Variants in UNC80 observed in about 807,000 individuals in gnomAD.
The protein encoded by UNC80 is protein unc-80 homolog.
UNC80 carries 164 observed loss-of-function variants against 384.6 expected under a neutral mutation model. The observed-to-expected ratio is 0.43, with a 90% CI of 0.38 to 0.49. The LOEUF is 0.49. UNC80 is among the 20% of genes least tolerant of loss of function. The pLI is 0.00. For missense variants in UNC80, 3,330 were observed against 4,143.0 expected (o/e 0.80, Z 5.39); for synonymous variants, 1,486 against 1,527.8 (o/e 0.97, Z 0.64).
In UNC80 at chr2:209,903,025, G is replaced by C. The variant is rs2087602359; in HGVS notation, c.4582-1740G>C. 2.7e-5 allele frequency among the ~76,000 whole-genome samples: 4 copies of C among 150,372 alleles called. No homozygotes were observed. The South Asian group carries it at 8.5e-4, about 32-fold the overall frequency. ...GGATACACAGATGAGCAAGCCCCTG[G>C]TATAAAATGGTATAGTATTTGCATA... On this transcript the variant is annotated intron_variant, in intron 28 of 64. Transcript: ENST00000673920.
intron 25 of UNC80, among the ~76,000 whole-genome samples, chr2:209,887,765 TAAG>T (rs1007492250): frequency 6.6e-6 from 1 of 152,094 alleles, no homozygotes; most frequent in Non-Finnish European, 1.5e-5. Flanking sequence ...GATTTTTAAA[TAAG>T]AGATAAAGGC....
intron 38 of UNC80, among the ~76,000 whole-genome samples, chr2:209,932,940 A>G (rs1162258177): frequency 1.3e-5 from 2 of 152,212 alleles, no homozygotes; most frequent in Non-Finnish European, 1.5e-5. Flanking sequence ...CAGCATTTAG[A>G]ACACCAAAAC....
intron 7 of UNC80, among the ~76,000 whole-genome samples, chr2:209,799,092 T>C (rs2078368180): frequency 6.6e-6 from 1 of 151,634 alleles, no homozygotes; most frequent in East Asian, 1.9e-4. Context: ...AGTGTTTTTT[T>C]TTTTTCTAAT....
At chr2:209,969,686 A>T (rs75089244) in intron 52 of UNC80, 82 bp from the exon 53 acceptor site, 1 of 1,516,494 alleles carries the variant, frequency 6.6e-7, no homozygotes, top group African/African-American at 1.4e-5. Flanking sequence ...CTTAGATGGC[A>T]TCAGAATCAC....
chr2:209,991,872 AC>A (rs2093398555), intron 61 of UNC80, among the ~76,000 whole-genome samples: 1 of 152,164 alleles, frequency 6.6e-6, no homozygotes, highest in African/African-American at 2.4e-5. Context: ...GACATCTTAT[AC>A]CTTTTGGTGG....
chr2:209,985,022 C>A (rs1385068828), intron 61 of UNC80, 110 bp downstream of exon 61: 7 of 927,076 alleles, frequency 7.6e-6, no homozygotes, highest in Non-Finnish European at 1.1e-5. Context: ...GTCTTAATAT[C>A]TATTTCCATT....
chr2:209,894,757 C>A (rs71420778), intron 27 of UNC80, among the ~76,000 whole-genome samples: 16,476 of 152,166 alleles, frequency 0.11, 1,027 homozygotes, highest in South Asian at 0.26. Context: ...TTTGAAATTC[C>A]GATGCTTGTG....
intron 44 of UNC80, among the ~76,000 whole-genome samples, chr2:209,942,357 A>G (rs1273487074): frequency 2.6e-5 from 4 of 152,204 alleles, no homozygotes; most frequent in Non-Finnish European, 5.9e-5. Flanking sequence ...CATGTATGGC[A>G]AGTGTTTAGC....
chr2:209,920,093 C>A (rs1037666400), intron 33 of UNC80, among the ~76,000 whole-genome samples: 1 of 152,100 alleles, frequency 6.6e-6, no homozygotes, highest in Non-Finnish European at 1.5e-5. Context: ...CACTTGAACC[C>A]AGGAGGTGGA....
At chr2:209,875,759 T>C (rs2084721465) in intron 23 of UNC80, among the ~76,000 whole-genome samples, 1 of 152,226 alleles carries the variant, frequency 6.6e-6, no homozygotes, top group Non-Finnish European at 1.5e-5. Context: ...CTCGAATGTC[T>C]GCTCTCCCCA....
At chr2:209,813,393 C>T (rs1383014188) in intron 7 of UNC80, among the ~76,000 whole-genome samples, 187 bp from the exon 8 acceptor site, 1 of 152,196 alleles carries the variant, frequency 6.6e-6, no homozygotes, top group Non-Finnish European at 1.5e-5. Flanking sequence ...AATATCTCTA[C>T]TTTCAGGAGA....
intron 15 of UNC80, among the ~76,000 whole-genome samples, chr2:209,831,215 A>C (rs1291139310): frequency 6.6e-6 from 1 of 152,042 alleles, no homozygotes; most frequent in Non-Finnish European, 1.5e-5. Context: ...CAATAAAACC[A>C]TTCCGGAAAT....
chr2:209,876,003 A>C (rs770613105), intron 23 of UNC80, among the ~76,000 whole-genome samples: 4 of 152,202 alleles, frequency 2.6e-5, no homozygotes, highest in Non-Finnish European at 5.9e-5. Context: ...CCCAAAATGT[A>C]GTTTTCCAGT....
chr2:209,945,130 C>A lies in UNC80; in HGVS notation c.7130C>A (p.Thr2377Asn), dbSNP rs758980589. Residue 2377 changes from threonine (T) to asparagine (N), a missense_variant, in exon 46 of 65, where the codon ACC (threonine) becomes AAC (asparagine). Transcript: ENST00000673920. ...TTGCTGCAGTCCCTAGAGGGAGAGA[C>A]CACCGACATATTAGACATCTTAGAG... ...FDLLQSLEGE[T>N]TDILDILELV... 6.8e-5 allele frequency: 105 copies of A among 1,551,410 alleles called. No homozygotes were observed. The highest frequency in any genetic ancestry group is 8.5e-5 in the Non-Finnish European group (98 of 1,146,900).
chr2:209,881,486 T>G (rs183779900), intron 25 of UNC80, among the ~76,000 whole-genome samples: 27 of 152,328 alleles, frequency 1.8e-4, no homozygotes, highest in African/African-American at 4.8e-4. Context: ...AATTTGCTTC[T>G]TAATGAGTGT....
chr2:209,805,606 G>A (rs1324401935), intron 7 of UNC80, among the ~76,000 whole-genome samples: 3 of 152,134 alleles, frequency 2.0e-5, no homozygotes, highest in Non-Finnish European at 4.4e-5. Context: ...CTCACCATCT[G>A]TGTCTCTCCA....
At position 209,959,557 on chromosome 2, in the gene UNC80, G is replaced by T; in HGVS notation, c.7655G>T (p.Arg2552Leu). Residue 2552 changes from arginine to leucine, a missense_variant, in exon 51 of 65, where the codon CGG (arginine) becomes CTG (leucine). Transcript: ENST00000673920. The stretch of plus-strand genomic sequence containing the variant: ...GAGGAACTGGATGAACGAATTGCTC[G>T]GGAAGAGTTCAGAAGACCCCGGGAG... Reference protein sequence around the residue: ...PREELDERIAREEFRRPRESL... With the variant: ...PREELDERIALEEFRRPRESL... The T allele has an allele frequency of 1.3e-6, 2 of 1,551,664 alleles. No homozygotes were observed. The highest frequency in any genetic ancestry group is 1.7e-6 in the Non-Finnish European group (2 of 1,146,978).
intron 56 of UNC80, among the ~76,000 whole-genome samples, chr2:209,974,889 A>G (rs1370354988): frequency 6.6e-6 from 1 of 152,262 alleles, no homozygotes; most frequent in African/African-American, 2.4e-5. Flanking sequence ...TGAAAACGTC[A>G]TCAGAATTAT....
At chr2:209,841,802 T>C (rs560516589) in intron 20 of UNC80, among the ~76,000 whole-genome samples, 1 of 152,222 alleles carries the variant, frequency 6.6e-6, no homozygotes, top group Non-Finnish European at 1.5e-5. Flanking sequence ...TTTGAGTTTG[T>C]GTGGCCCATA....
Sources: gnomAD v4.1 joint callset for allele counts (sites outside exome capture counted in the v4.1 genomes callset) on GRCh38, gnomAD v4.1.1 for gene constraint, MANE v1.5 for transcripts, NCBI Gene and HGNC (gene_info 2026-07-23, HGNC 2026-07-21) for gene names.